SPNS2: variants seen among roughly 807,000 people sequenced by gnomAD.
SPNS2 encodes sphingosine-1-phosphate transporter SPNS2.
Under a neutral mutation model 57.6 loss-of-function variants are expected in SPNS2, and 37 were observed. That is an observed-to-expected ratio of 0.64 (90% CI 0.49 to 0.85). The LOEUF (loss-of-function observed/expected upper bound fraction) is 0.85. Ranked by LOEUF, SPNS2 falls within the 40% of genes least tolerant of loss-of-function variation. The probability of loss-of-function intolerance (pLI) is 0.00; values close to 1 mark genes in which losing one functional copy is unlikely to be tolerated. For synonymous variants in SPNS2, 440 were observed against 346.9 expected (o/e 1.27, Z -2.98); for missense variants, 831 against 779.1 (o/e 1.07, Z -0.79).
At chr17:4,519,412 G>GGAGGGA (rs1905080892) in intron 2 of SPNS2, among the ~76,000 whole-genome samples, 1 of 152,170 alleles carries the variant, frequency 6.6e-6, no homozygotes, top group Non-Finnish European at 1.5e-5. Flanking sequence ...GCTCTGGGCT[G>GGAGGGA]CCGTGAGAGG....
chr17:4,518,718 G>A (rs529468633), intron 2 of SPNS2, among the ~76,000 whole-genome samples: 56 of 152,262 alleles, frequency 3.7e-4, no homozygotes, highest in Non-Finnish European at 5.0e-4. Context: ...AGCTCAAACC[G>A]AAACCAGACA....
chr17:4,532,508 G>A (rs995615947), intron 5 of SPNS2, 34 bp from the exon 6 acceptor site: 1 of 1,614,004 alleles, frequency 6.2e-7, no homozygotes, highest in Non-Finnish European at 8.5e-7. Flanking sequence ...AGGCTCACTG[G>A]GCCCTGGTGT....
At chr17:4,530,984 AGACCAGCG>A in intron 4 of SPNS2, 61 bp from the exon 5 acceptor site, 1 of 1,577,294 alleles carries the variant, frequency 6.3e-7, no homozygotes, top group Non-Finnish European at 8.6e-7. Context: ...CCTGCCTTGC[AGACCAGCG>A]GGCACTCCCT....
chr17:4,516,258 A>G (rs944854676), intron 2 of SPNS2, among the ~76,000 whole-genome samples: 23 of 147,522 alleles, frequency 1.6e-4, no homozygotes, highest in Non-Finnish European at 2.4e-4. Context: ...AGATTGCAGT[A>G]AGCCCAGATT....
At chr17:4,533,964 G>A (rs1905630223) in intron 9 of SPNS2, 111 bp downstream of exon 9, 1 of 1,054,462 alleles carries the variant, frequency 9.5e-7, no homozygotes, top group African/African-American at 1.5e-5. Flanking sequence ...AGGAAGGCAG[G>A]CCTGCCAGGA....
Position 4,499,449 on chromosome 17 carries a change from A to G in SPNS2, c.370+32A>G. ...GAGTGCCCCACCCAGCCCGAGGACC[A>G]AGACCCCACCCCATCCCACCACCCG... On this transcript the variant is annotated intron_variant, in intron 1 of 12. Coordinates refer to ENST00000329078, the MANE Select transcript of SPNS2 (RefSeq NM_001124758.3). The surrounding 1 kb of genome is among the most constrained non-coding windows in gnomAD (Gnocchi z 5.2). 1 of 1,268,666 alleles carries G rather than the reference A, an allele frequency of 7.9e-7. No homozygotes were observed. Among genetic ancestry groups the G allele is most frequent in the Non-Finnish European group, 1.0e-6 (1 of 992,636 alleles). The allele number at this position is 1,268,666 out of a possible 1,614,324, so 78.6% of individuals were successfully genotyped here. A position where few individuals can be genotyped will look rare whatever the true frequency, so the allele number is the denominator to read the frequency against.
At chr17:4,533,903 G>C in intron 9 of SPNS2, 50 bp downstream of exon 9, 1 of 1,206,482 alleles carries the variant, frequency 8.3e-7, no homozygotes, top group Non-Finnish European at 1.2e-6. Flanking sequence ...CAGGCCTCTT[G>C]ACCTCACAGG....
rs781649458 is a variant in SPNS2, at chr17:4,533,340, G to A, written c.1186G>A (p.Asp396Asn). 2.3e-5 allele frequency: 37 copies of A among 1,611,710 alleles called. No homozygotes were observed. Among genetic ancestry groups the A allele is most frequent in the Middle Eastern group, 1.6e-4 (1 of 6,084 alleles). The change falls in exon 8 of 13, where the codon GAC (aspartate) becomes AAC (asparagine). Residue 396 changes from aspartate (D) to asparagine (N), a missense_variant. Asp to Asn is a conservative substitution (Grantham distance 23). Coordinates refer to ENST00000329078, the MANE Select transcript of SPNS2 (RefSeq NM_001124758.3). ...GTGCCGCCTGAAGACCCAGCGGGCC[G>A]ACCCACTGGTGTGTGCCGTGGGCAT... ...RWCRLKTQRA[D>N]PLVCAVGMLG...
At chr17:4,513,101 C>A in intron 1 of SPNS2, 146 bp from the exon 2 acceptor site, 1 of 821,130 alleles carries the variant, frequency 1.2e-6, no homozygotes, top group South Asian at 1.7e-5. Flanking sequence ...GCCTGGGAAA[C>A]CTGGGCAGGG....
rs529719775 is a variant in SPNS2 at position 4,538,638 on chromosome 17, G to C, written c.*1190G>C. The stretch of plus-strand genomic sequence containing the variant: ...GGTGGTTCTGGTGCGGGGGTGGGGT[G>C]GGGGGTGAGGCCTTGTGGCCAATGG... On this transcript the variant is annotated 3_prime_UTR_variant, in exon 13 of 13. Transcript: ENST00000329078. The C allele has an allele frequency of 4.4e-5, 22 of 498,990 alleles. No homozygotes were observed. Among genetic ancestry groups the C allele is most frequent in the African/African-American group, 5.8e-5 (3 of 51,490 alleles). The allele number at this position is 498,990 out of a possible 1,614,324, so 30.9% of individuals were successfully genotyped here.
chr17:4,524,980 C>T (rs2144347785), intron 2 of SPNS2, 77 bp from the exon 3 acceptor site: 2 of 1,573,808 alleles, frequency 1.3e-6, no homozygotes, highest in Middle Eastern at 1.7e-4. Flanking sequence ...ACTCTTGGCC[C>T]CAAGCCGGAG....
At chr17:4,507,759 G>A (rs935561823) in intron 1 of SPNS2, among the ~76,000 whole-genome samples, 3 of 152,206 alleles carry the variant, frequency 2.0e-5, no homozygotes, top group African/African-American at 7.2e-5. Flanking sequence ...GAAAGCAGGG[G>A]GTACGCGGGG....
At chr17:4,527,728 A>T (rs1905297287) in intron 3 of SPNS2, among the ~76,000 whole-genome samples, 1 of 152,210 alleles carries the variant, frequency 6.6e-6, no homozygotes, top group Non-Finnish European at 1.5e-5. Context: ...GGCAACAATT[A>T]AAAAGGCTGA....
In SPNS2 at chr17:4,512,384, T is replaced by A. The variant is rs1411760147; in HGVS notation, c.371-863T>A. On this transcript the variant is annotated intron_variant, in intron 1 of 12. Transcript: ENST00000329078. The surrounding 1 kb of genome is among the most constrained non-coding windows in gnomAD (Gnocchi z 5.2). ...GGTAGGAGGTCCAAGATCCTGCCTGTCCCCCAGAAGCCATGGCTCTGCCAG... is the reference window on the plus strand; with the variant it reads ...GGTAGGAGGTCCAAGATCCTGCCTGACCCCCAGAAGCCATGGCTCTGCCAG... Among the ~76,000 whole-genome samples the A allele has an allele frequency of 6.6e-6, 1 of 151,754 alleles. No individual in the cohort carries two copies. Among genetic ancestry groups the A allele is most frequent in the Non-Finnish European group, 1.5e-5 (1 of 67,938 alleles).
intron 1 of SPNS2, among the ~76,000 whole-genome samples, chr17:4,508,003 G>C (rs986066790): frequency 1.3e-5 from 2 of 152,184 alleles, no homozygotes; most frequent in Non-Finnish European, 2.9e-5. Context: ...GACTCCTCTC[G>C]GGGCTACTGA....
At chr17:4,504,101 TTGTGGCTC>T (rs1303861517) in intron 1 of SPNS2, among the ~76,000 whole-genome samples, 1 of 152,092 alleles carries the variant, frequency 6.6e-6, no homozygotes, top group Admixed American at 6.5e-5. Flanking sequence ...AGGCCCTGTC[TTGTGGCTC>T]TGTGGCTCTC....
rs777557198 is a variant in SPNS2 at position 4,532,932 on chromosome 17, G to A, written c.936-45G>A. On this transcript the variant is annotated intron_variant, in intron 6 of 12. Coordinates refer to ENST00000329078, the MANE Select transcript of SPNS2 (RefSeq NM_001124758.3). ...AGTGCATGGGGCTGCCTAGGGGGGT[G>A]AAGGAGGTCCCTGAGCTCAGTGTCA... 4 of 1,582,854 alleles carry A rather than the reference G, an allele frequency of 2.5e-6. No individual in the cohort carries two copies. The Admixed American group carries it at 5.2e-5, about 20-fold the overall frequency.
At chr17:4,536,716 TTCCTCTTTAC>T (rs1905834305) in intron 11 of SPNS2, 174 bp from the exon 12 acceptor site, 22 of 643,342 alleles carry the variant, frequency 3.4e-5, no homozygotes, top group South Asian at 3.3e-4. Flanking sequence ...TCTTTCTCCT[TTCCTCTTTAC>T]TCCTCTCTCT....
intron 3 of SPNS2, among the ~76,000 whole-genome samples, chr17:4,530,244 G>A (rs905613699): frequency 1.3e-5 from 2 of 152,226 alleles, no homozygotes; most frequent in East Asian, 1.9e-4. Flanking sequence ...ACAGAGTGGA[G>A]GGTGGTGGCT....
Sources: gnomAD v4.1 joint callset for allele counts (sites outside exome capture counted in the v4.1 genomes callset) on GRCh38, gnomAD v4.1.1 for gene constraint, Gnocchi (gnomAD v3.1) non-coding constraint, MANE v1.5 for transcripts, NCBI Gene and HGNC (gene_info 2026-07-23, HGNC 2026-07-21) for gene names.